VAC14: variants seen among roughly 807,000 people sequenced by gnomAD.
The protein encoded by VAC14 is protein VAC14 homolog.
In VAC14, 47 loss-of-function variants were observed where a neutral mutation model predicts 85.3. The ratio of observed to expected loss-of-function variants is 0.55; its 90% CI spans 0.44 to 0.70. The LOEUF (loss-of-function observed/expected upper bound fraction) is 0.70. Ranked by LOEUF, VAC14 falls within the 30% of genes least tolerant of loss-of-function variation. VAC14 has a pLI of 0.00. For missense variants in VAC14, 861 were observed against 1,004.3 expected (o/e 0.86, Z 1.93); for synonymous variants, 447 against 430.5 (o/e 1.04, Z -0.47).
rs1382501754 is a variant in VAC14 at position 70,781,858 on chromosome 16, G to A, written c.946+11C>T. The A allele has an allele frequency of 6.2e-7, 1 of 1,613,662 alleles. No homozygotes were observed. The highest frequency in any genetic ancestry group is 2.2e-5 in the East Asian group (1 of 44,866). ...CTTCTCTCAATTATTCTCTCCCAAA[G>A]CAAAGGATACTTTTCTTGCGGTCAT... is the stretch of plus-strand genomic sequence containing the variant. On this transcript the variant is annotated intron_variant, in intron 8 of 18. Coordinates refer to ENST00000261776, the MANE Select transcript of VAC14 (RefSeq NM_018052.5).
At chr16:70,774,002 T>C (rs181051215) in intron 9 of VAC14, among the ~76,000 whole-genome samples, 4 of 151,986 alleles carry the variant, frequency 2.6e-5, no homozygotes, top group African/African-American at 4.8e-5. Flanking sequence ...TACAAACTCC[T>C]GGGCTCAAGT....
Position 70,738,520 on chromosome 16 carries a change from C to G in VAC14, c.1528+5903G>C, listed in dbSNP as rs551442329. Reference sequence around the variant, plus strand: ...GTCTGCCACCGGGAAAGAGCTATTGCTGCAGGGTGAGGGCTGGGGCCAAAG... The same window carrying G: ...GTCTGCCACCGGGAAAGAGCTATTGGTGCAGGGTGAGGGCTGGGGCCAAAG... On this transcript the variant is annotated intron_variant, in intron 13 of 18. Coordinates refer to ENST00000261776, the MANE Select transcript of VAC14 (RefSeq NM_018052.5). 2.0e-3 allele frequency among the ~76,000 whole-genome samples: 300 copies of G among 152,184 alleles called. 2 individuals carry two copies. Among genetic ancestry groups the G allele is most frequent in the South Asian group, 0.01 (50 of 4,814 alleles).
chr16:70,742,080 T>G (rs528562913), intron 13 of VAC14, among the ~76,000 whole-genome samples: 2 of 152,286 alleles, frequency 1.3e-5, no homozygotes, highest in South Asian at 2.1e-4. Flanking sequence ...GAGGAAGAGA[T>G]AAAACATAGG....
intron 13 of VAC14, among the ~76,000 whole-genome samples, chr16:70,732,437 C>T (rs1469773385): frequency 6.6e-6 from 1 of 152,114 alleles, no homozygotes; most frequent in Admixed American, 6.6e-5. Flanking sequence ...ACCTCCCTTG[C>T]ACACACGCCC....
At chr16:70,728,094 G>A (rs2054483409) in intron 14 of VAC14, among the ~76,000 whole-genome samples, 1 of 152,342 alleles carries the variant, frequency 6.6e-6, no homozygotes, top group Admixed American at 6.5e-5. Context: ...GATGCCAATG[G>A]CTAAGAGACC....
chr16:70,801,120 T>C lies in VAC14; in HGVS notation c.-220A>G, dbSNP rs1464219627. 2 of 427,704 alleles carry C rather than the reference T, an allele frequency of 4.7e-6. No individual in the cohort carries two copies. Among genetic ancestry groups the C allele is most frequent in the Non-Finnish European group, 8.2e-6 (2 of 243,540 alleles). The allele number at this position is 427,704 out of a possible 1,614,324, so 26.5% of individuals were successfully genotyped here. On this transcript the variant is annotated 5_prime_UTR_variant, in exon 1 of 19. Coordinates refer to ENST00000261776, the MANE Select transcript of VAC14 (RefSeq NM_018052.5). ...CCGCTTAACAACTCCCGCCCGGCAC[T>C]AGCGGGACTCACGAGACAGCGGCCA...
chr16:70,702,884 G>A (rs566513885), intron 14 of VAC14, among the ~76,000 whole-genome samples: 10 of 152,324 alleles, frequency 6.6e-5, no homozygotes, highest in South Asian at 6.2e-4. Flanking sequence ...AGCTCCACTC[G>A]CAGTGTCATG....
intron 18 of VAC14, chr16:70,690,253 G>A: frequency 1.0e-6 from 1 of 985,464 alleles, no homozygotes; most frequent in Non-Finnish European, 1.2e-6. Context: ...AGGGCGGGCT[G>A]TGTCACCGGG....
chr16:70,765,044 G>A (rs771860098), intron 10 of VAC14, among the ~76,000 whole-genome samples: 2 of 152,104 alleles, frequency 1.3e-5, no homozygotes, highest in Non-Finnish European at 2.9e-5. Context: ...AAGAGATGCC[G>A]CCCTACAGCC....
Position 70,726,182 on chromosome 16 carries a change from G to A in VAC14, c.1661+5313C>T, listed in dbSNP as rs548450570. On this transcript the variant is annotated intron_variant, in intron 14 of 18. Coordinates refer to ENST00000261776, the MANE Select transcript of VAC14 (RefSeq NM_018052.5). ...TACTGAGGATAAGTGGATGGTTCAC[G>A]GGGAGACAAGGCCTGGGCTTGTTCT... is the stretch of plus-strand genomic sequence containing the variant. Among the ~76,000 whole-genome samples, 6 of 152,352 alleles carry A rather than the reference G, an allele frequency of 3.9e-5. No homozygotes were observed. In the East Asian group the frequency reaches 5.8e-4, roughly 15 times the overall value.
At chr16:70,729,281 A>T (rs1357029367) in intron 14 of VAC14, among the ~76,000 whole-genome samples, 1 of 152,196 alleles carries the variant, frequency 6.6e-6, no homozygotes, top group Non-Finnish European at 1.5e-5. Context: ...GCTCTAGAAG[A>T]GCCCAGAGAA....
At position 70,783,452 on chromosome 16, in the gene VAC14, G is replaced by A. The variant is rs184943022; in HGVS notation, c.697C>T (p.Arg233Cys). ...QILGDNGKEIRKMCEVVLGEF... is the reference protein window; with the variant it reads ...QILGDNGKEICKMCEVVLGEF... ...GCCCCTTACTCCACTCACATTTTGC[G>A]AATCTCTTTGCCATTGTCACCCAGG... is the stretch of plus-strand genomic sequence containing the variant. Residue 233 changes from arginine (R) to cysteine (C), a missense_variant, in exon 6 of 19, where the codon CGC becomes TGC. By Grantham distance (180) the Arg-to-Cys change is radical. This residue lies in a region of VAC14 where 629 missense variants were observed against 703.1 expected (regional missense o/e 0.89). Coordinates refer to ENST00000261776, the MANE Select transcript of VAC14 (RefSeq NM_018052.5). 4 of 1,614,024 alleles carry A rather than the reference G, an allele frequency of 2.5e-6. No homozygotes were observed. The highest frequency in any genetic ancestry group is 1.3e-5 in the African/African-American group (1 of 75,054).
At chr16:70,757,528 C>T (rs1317266624) in intron 12 of VAC14, among the ~76,000 whole-genome samples, 1 of 152,162 alleles carries the variant, frequency 6.6e-6, no homozygotes, top group African/African-American at 2.4e-5. Context: ...AGTCCTGTGG[C>T]CCACTGTGTC....
rs559755105 is a variant in VAC14 at position 70,763,164 on chromosome 16, T to C, written c.1161-139A>G. The C allele has an allele frequency of 1.8e-4, 219 of 1,241,470 alleles. 1 individual carries two copies. In the Middle Eastern group the frequency reaches 2.6e-3, roughly 15 times the overall value. 76.9% of individuals were successfully genotyped at this position (1,241,470 alleles called of 1,614,324 possible). A position where few individuals can be genotyped will look rare whatever the true frequency, so the allele number is the denominator to read the frequency against. ...GTCTAGGGGGATCGGGGGTCAGGGA[T>C]AACCTGATCCCACACATCCTTGCTG... On this transcript the variant is annotated intron_variant, in intron 10 of 18. Coordinates refer to ENST00000261776, the MANE Select transcript of VAC14 (RefSeq NM_018052.5).
In VAC14 at chr16:70,795,610, T is replaced by C. The variant is rs1043289924; in HGVS notation, c.104+5187A>G. 7.9e-5 allele frequency among the ~76,000 whole-genome samples: 12 copies of C among 151,924 alleles called. No homozygotes were observed. In the South Asian group the frequency reaches 1.2e-3, roughly 16 times the overall value. On this transcript the variant is annotated intron_variant, in intron 1 of 18. Coordinates refer to ENST00000261776, the MANE Select transcript of VAC14 (RefSeq NM_018052.5). ...CCAGGTCAACCTTCACCTGTTCAACTTTCACCTGTTCACAGAGCTCCAGGG... is the reference window on the plus strand; with the variant it reads ...CCAGGTCAACCTTCACCTGTTCAACCTTCACCTGTTCACAGAGCTCCAGGG...
intron 14 of VAC14, among the ~76,000 whole-genome samples, chr16:70,701,719 C>T (rs908022528): frequency 6.6e-6 from 1 of 152,222 alleles, no homozygotes; most frequent in Non-Finnish European, 1.5e-5. Flanking sequence ...CGGCTTCCGC[C>T]TGGATCTGAA....
At chr16:70,722,259 C>G (rs73577124) in intron 14 of VAC14, among the ~76,000 whole-genome samples, 1 of 152,220 alleles carries the variant, frequency 6.6e-6, no homozygotes, top group Non-Finnish European at 1.5e-5. Flanking sequence ...GGACTCTTCC[C>G]CGGGCACTGC....
At position 70,794,928 on chromosome 16, in the gene VAC14, G is replaced by A. The variant is rs186139434; in HGVS notation, c.104+5869C>T. Among the ~76,000 whole-genome samples, 5 of 152,328 alleles carry A rather than the reference G, an allele frequency of 3.3e-5. No homozygotes were observed. In the East Asian group the frequency reaches 5.8e-4, roughly 18 times the overall value. On this transcript the variant is annotated intron_variant, in intron 1 of 18. Transcript: ENST00000261776. ...AGACTGCATATTCCACAGTGGACCC[G>A]TAAGATGATAATGTTATATTTTTAC...
intron 1 of VAC14, among the ~76,000 whole-genome samples, chr16:70,788,191 T>C (rs2034158392): frequency 6.6e-6 from 1 of 152,218 alleles, no homozygotes; most frequent in African/African-American, 2.4e-5. Context: ...GCTGGGACTT[T>C]CTAGTAATTA....
Sources: allele counts gnomAD v4.1 joint callset (sites outside exome capture counted in the v4.1 genomes callset), GRCh38; gene constraint gnomAD v4.1.1; regional missense constraint gnomAD v4.1.1; transcripts MANE v1.5; gene names NCBI Gene and HGNC (gene_info 2026-07-23, HGNC 2026-07-21).